The following SNTG2 variants were observed in gnomAD, a reference collection of about 807,000 sequenced individuals.
SNTG2 encodes the protein syntrophin gamma 2, also known as gamma-2-syntrophin.
In SNTG2, 74 loss-of-function variants were observed where a neutral mutation model predicts 70.9. The observed-to-expected ratio is 1.04, with a 90% confidence interval of 0.86 to 1.27. SNTG2 has a LOEUF of 1.27. Among genes scored for constraint, SNTG2 ranks in the 50% most tolerant of loss-of-function variants. The pLI is 0.00. For missense variants in SNTG2, 717 were observed against 690.7 expected, an observed-to-expected ratio of 1.04 and a Z score of -0.43; for synonymous variants, 278 against 273.8, an observed-to-expected ratio of 1.02 and a Z score of -0.15.
intron 1 of SNTG2, among the ~76,000 whole-genome samples, chr2:1,064,792 G>A (rs1043309487): frequency 1.3e-5 from 2 of 152,034 alleles, no homozygotes; most frequent in South Asian, 2.1e-4. Context: ...GAACACACAC[G>A]GCAAACATGG....
At chr2:1,236,354 G>A (rs1040191313) in intron 9 of SNTG2, among the ~76,000 whole-genome samples, 1 of 152,228 alleles carries the variant, frequency 6.6e-6, no homozygotes, top group Admixed American at 6.5e-5. Flanking sequence ...CACGGGAAGC[G>A]ATGGATCCTG....
intron 16 of SNTG2, among the ~76,000 whole-genome samples, chr2:1,363,002 G>A (rs1180899763): frequency 6.6e-6 from 1 of 152,058 alleles, no homozygotes; most frequent in Non-Finnish European, 1.5e-5. Context: ...TTCCATGGAA[G>A]TCACCAACGC....
chr2:993,642 C>G (rs1344537202), intron 1 of SNTG2, among the ~76,000 whole-genome samples: 3 of 151,980 alleles, frequency 2.0e-5, no homozygotes, highest in Non-Finnish European at 4.4e-5. Context: ...ACTTGACATC[C>G]CCACCAGCAG....
rs115640817 is a variant in SNTG2, at chr2:1,070,478, C to T, written c.73-13040C>T. 8.2e-3 allele frequency among the ~76,000 whole-genome samples: 1,247 copies of T among 152,146 alleles called. 28 individuals are homozygous for T. The highest frequency in any genetic ancestry group is 0.028 in the African/African-American group (1,180 of 41,472). On this transcript the variant is annotated intron_variant, in intron 1 of 16. Coordinates refer to ENST00000308624, the MANE Select transcript of SNTG2 (RefSeq NM_018968.4). ...CTCATGAGCTTCTTAGCAGAGTTTC[C>T]GACATAATACATGCTACTCATATTA...
At chr2:1,038,204 T>G (rs11127448) in intron 1 of SNTG2, among the ~76,000 whole-genome samples, 57,865 of 152,060 alleles carry the variant, frequency 0.38, 11,341 homozygotes, top group South Asian at 0.44. Context: ...ACCAATTTCA[T>G]ACTTGGTTTT....
At chr2:1,296,710 T>C (rs1358391372) in intron 14 of SNTG2, among the ~76,000 whole-genome samples, 1 of 152,202 alleles carries the variant, frequency 6.6e-6, no homozygotes, top group Admixed American at 6.5e-5. Context: ...TCTGCCTTTG[T>C]GTAGGAACCT....
intron 6 of SNTG2, among the ~76,000 whole-genome samples, chr2:1,158,839 G>C (rs954472137): frequency 4.1e-4 from 62 of 152,312 alleles, no homozygotes; most frequent in African/African-American, 1.3e-3. Context: ...GTGCAGGAAG[G>C]CTTTACGGAG....
intron 1 of SNTG2, among the ~76,000 whole-genome samples, chr2:989,469 A>G (rs769123935): frequency 3.3e-5 from 5 of 152,188 alleles, no homozygotes; most frequent in Non-Finnish European, 5.9e-5. Context: ...TGATGTTCAT[A>G]TGATTTTAGT....
At chr2:1,367,080 C>T (rs902960807) in intron 16 of SNTG2, among the ~76,000 whole-genome samples, 32 of 152,152 alleles carry the variant, frequency 2.1e-4, no homozygotes, top group Admixed American at 9.8e-4. Context: ...CATTAGCCCC[C>T]GTTAGGTGCA....
chr2:1,151,855 G>A lies in SNTG2; in HGVS notation c.412-13693G>A, dbSNP rs77809652. ...TGGAGAAAATGGGTGACTAGCACTCGTGTGTAAGTGGCATAAATTGGGTTT... is the reference window on the plus strand; with the variant it reads ...TGGAGAAAATGGGTGACTAGCACTCATGTGTAAGTGGCATAAATTGGGTTT... On this transcript the variant is annotated intron_variant, in intron 6 of 16. Transcript: ENST00000308624. Among the ~76,000 whole-genome samples the A allele has an allele frequency of 8.4e-4, 128 of 152,264 alleles. 1 individual carries two copies. The East Asian group carries it at 0.022, about 26-fold the overall frequency.
At chr2:1,206,543 T>C (rs72768839) in intron 8 of SNTG2, among the ~76,000 whole-genome samples, 7,673 of 152,208 alleles carry the variant, frequency 0.05, 297 homozygotes, top group East Asian at 0.21. Context: ...ACCTGACTTC[T>C]CCCCTAGCTG....
intron 6 of SNTG2, among the ~76,000 whole-genome samples, chr2:1,162,924 G>A (rs573894808): frequency 1.9e-4 from 29 of 152,282 alleles, no homozygotes; most frequent in Admixed American, 4.6e-4. Context: ...AGAGACAGGC[G>A]TCTCACAAGG....
chr2:1,222,059 CTCTGTT>C lies in SNTG2; in HGVS notation c.719+12833_719+12838del, dbSNP rs1323894686. On this transcript the variant is annotated intron_variant, in intron 9 of 16. Transcript: ENST00000308624. ...TCTGTCTCTCTCTGTCTCTCTCTGTCTCTGTTTCTCTCTGTCTCTGTCTCTGTCTCT... is the reference window on the plus strand; with the variant it reads ...TCTGTCTCTCTCTGTCTCTCTCTGTCTCTCTCTGTCTCTGTCTCTGTCTCT... 4.9e-4 allele frequency among the ~76,000 whole-genome samples: 37 copies of C among 76,028 alleles called. 5 individuals are homozygous for C. Among genetic ancestry groups the C allele is most frequent in the Non-Finnish European group, 6.9e-4 (24 of 34,986 alleles). The allele number at this position is 76,028 out of a possible 152,430, so 49.9% of individuals were successfully genotyped here.
At chr2:1,293,454 C>G (rs965889663) in intron 14 of SNTG2, among the ~76,000 whole-genome samples, 1 of 151,452 alleles carries the variant, frequency 6.6e-6, no homozygotes, top group Non-Finnish European at 1.5e-5. Context: ...AGTTAAGATG[C>G]CAATTTGAGA....
chr2:1,183,035 A>G (rs537233969), intron 8 of SNTG2, among the ~76,000 whole-genome samples: 16 of 152,218 alleles, frequency 1.1e-4, no homozygotes, highest in Non-Finnish European at 1.8e-4. Context: ...AATTACAGGC[A>G]TGAGCCATGG....
At chr2:1,277,976 G>T (rs1022096909) in intron 14 of SNTG2, among the ~76,000 whole-genome samples, 3 of 152,222 alleles carry the variant, frequency 2.0e-5, no homozygotes, top group Non-Finnish European at 4.4e-5. Context: ...TTTCCAATGA[G>T]TAGCATTCTC....
At position 1,060,027 on chromosome 2, in the gene SNTG2, A is replaced by C. The variant is rs190849125; in HGVS notation, c.73-23491A>C. Among the ~76,000 whole-genome samples, 5 of 152,328 alleles carry C rather than the reference A, an allele frequency of 3.3e-5. No homozygotes were observed. In the East Asian group the frequency reaches 9.6e-4, roughly 29 times the overall value. On this transcript the variant is annotated intron_variant, in intron 1 of 16. Coordinates refer to ENST00000308624, the MANE Select transcript of SNTG2 (RefSeq NM_018968.4). ...AAAGAGATGGAAAGAATGGTTAGCC[A>C]CATGAAGTAGGATTACATTTTATCC... is the stretch of plus-strand genomic sequence containing the variant.
chr2:1,094,933 A>C (rs11899752), intron 2 of SNTG2, among the ~76,000 whole-genome samples: 1,032 of 85,784 alleles, frequency 0.012, 12 homozygotes, highest in African/African-American at 0.039. Flanking sequence ...GGCTTCCTGG[A>C]CTGCAGGCGA....
chr2:1,006,381 A>T (rs1329877403), intron 1 of SNTG2, among the ~76,000 whole-genome samples: 2 of 137,874 alleles, frequency 1.5e-5, no homozygotes, highest in African/African-American at 5.7e-5. Context: ...TATTAACCAG[A>T]TATTAAATAA....
Sources: gnomAD v4.1 joint callset for allele counts (sites outside exome capture counted in the v4.1 genomes callset) on GRCh38, gnomAD v4.1.1 for gene constraint, MANE v1.5 for transcripts, NCBI Gene and HGNC (gene_info 2026-07-23, HGNC 2026-07-21) for gene names.